SLC9A9: variants seen among roughly 807,000 people sequenced by gnomAD.
SLC9A9 encodes the protein sodium/hydrogen exchanger 9.
SLC9A9 carries 62 observed loss-of-function variants against 77.8 expected under a neutral mutation model. That is an observed-to-expected ratio of 0.80 (90% CI 0.65 to 0.98). The LOEUF is 0.98. SLC9A9 is among the 50% of genes least tolerant of loss of function. SLC9A9 has a pLI of 0.00. For missense variants in SLC9A9, 775 were observed against 774.9 expected, an observed-to-expected ratio of 1.00 and a Z score of 0.00; for synonymous variants, 320 against 283.5, an observed-to-expected ratio of 1.13 and a Z score of -1.29.
chr3:143,818,570 G>A (rs576430451), intron 2 of SLC9A9, among the ~76,000 whole-genome samples: 2 of 152,016 alleles, frequency 1.3e-5, no homozygotes, highest in Non-Finnish European at 2.9e-5. Context: ...GCCTCCCAAA[G>A]TGCTGGGATT....
At chr3:143,665,315 C>T (rs190622894) in intron 5 of SLC9A9, among the ~76,000 whole-genome samples, 42 of 152,308 alleles carry the variant, frequency 2.8e-4, no homozygotes, top group African/African-American at 1.0e-3. Flanking sequence ...ATACCAGAAT[C>T]TCTGGGACAC....
At chr3:143,289,827 G>A (rs1938488862) in intron 14 of SLC9A9, among the ~76,000 whole-genome samples, 1 of 152,180 alleles carries the variant, frequency 6.6e-6, no homozygotes, top group South Asian at 2.1e-4. Context: ...TTCATAGCCA[G>A]AGAGGTTCTT....
chr3:143,764,990 CCTTCCTTCCTTT>C (rs1452698844), intron 4 of SLC9A9, among the ~76,000 whole-genome samples: 86 of 149,142 alleles, frequency 5.8e-4, no homozygotes, highest in African/African-American at 1.4e-3. Context: ...TTCCTTCCTT[CCTTCCTTCCTTT>C]CTTTCTTTCT....
intron 5 of SLC9A9, among the ~76,000 whole-genome samples, chr3:143,689,052 A>C (rs1289888724): frequency 6.6e-6 from 1 of 152,114 alleles, no homozygotes; most frequent in Non-Finnish European, 1.5e-5. Context: ...GCCATGCTAT[A>C]GGGATATATA....
At chr3:143,672,260 A>G (rs2039168069) in intron 5 of SLC9A9, among the ~76,000 whole-genome samples, 1 of 152,140 alleles carries the variant, frequency 6.6e-6, no homozygotes, top group African/African-American at 2.4e-5. Flanking sequence ...TGATAACACC[A>G]GTGATGAGAA....
At chr3:143,296,751 T>C (rs929818366) in intron 14 of SLC9A9, among the ~76,000 whole-genome samples, 1 of 152,234 alleles carries the variant, frequency 6.6e-6, no homozygotes, top group Admixed American at 6.5e-5. Flanking sequence ...TGATATCTTA[T>C]TGTGGTTTTG....
At chr3:143,274,912 G>A (rs537270233) in intron 14 of SLC9A9, among the ~76,000 whole-genome samples, 36 of 152,108 alleles carry the variant, frequency 2.4e-4, no homozygotes, top group Non-Finnish European at 3.7e-4. Flanking sequence ...ATATTGTCTG[G>A]ACATATAGCC....
At chr3:143,630,288 A>T (rs986385387) in intron 6 of SLC9A9, among the ~76,000 whole-genome samples, 2 of 152,210 alleles carry the variant, frequency 1.3e-5, no homozygotes, top group Non-Finnish European at 2.9e-5. Context: ...GGCAAAACCC[A>T]GAGAAGCAAC....
chr3:143,325,230 C>G (rs956684702), intron 14 of SLC9A9, among the ~76,000 whole-genome samples: 3 of 152,154 alleles, frequency 2.0e-5, no homozygotes, highest in African/African-American at 7.2e-5. Flanking sequence ...TTATCCACAC[C>G]TGTAAAATAC....
At chr3:143,269,958 A>G (rs146884407) in intron 14 of SLC9A9, among the ~76,000 whole-genome samples, 4 of 152,346 alleles carry the variant, frequency 2.6e-5, no homozygotes, top group Admixed American at 2.6e-4. Context: ...CATTCTCATG[A>G]TACCCTGAGC....
At chr3:143,841,168 A>C (rs1394315441) in intron 1 of SLC9A9, among the ~76,000 whole-genome samples, 1 of 152,062 alleles carries the variant, frequency 6.6e-6, no homozygotes, top group Admixed American at 6.6e-5. Context: ...CCTTATCTGT[A>C]ATATGAAAAT....
chr3:143,621,974 G>C (rs898301303), intron 6 of SLC9A9, among the ~76,000 whole-genome samples: 7 of 152,200 alleles, frequency 4.6e-5, no homozygotes, highest in African/African-American at 1.7e-4. Context: ...AAATGAACAA[G>C]CCTCAGTAGC....
At chr3:143,647,805 T>G (rs1017650266) in intron 6 of SLC9A9, among the ~76,000 whole-genome samples, 35 of 152,202 alleles carry the variant, frequency 2.3e-4, no homozygotes, top group Non-Finnish European at 4.6e-4. Flanking sequence ...GTGAGCACCT[T>G]TATAACTTTA....
At chr3:143,634,041 A>G (rs568522990) in intron 6 of SLC9A9, among the ~76,000 whole-genome samples, 1 of 152,252 alleles carries the variant, frequency 6.6e-6, no homozygotes, top group Non-Finnish European at 1.5e-5. Context: ...CTGCCTTTCC[A>G]TCTTCTGAAA....
intron 11 of SLC9A9, 40 bp from the exon 12 acceptor site, chr3:143,467,230 G>T (rs767253058): frequency 6.2e-7 from 1 of 1,613,256 alleles, no homozygotes; most frequent in East Asian, 2.2e-5. Flanking sequence ...ATGCCTTGCA[G>T]GTGTCTTTTT....
intron 14 of SLC9A9, among the ~76,000 whole-genome samples, chr3:143,271,373 T>C (rs116386804): frequency 0.043 from 6,529 of 152,314 alleles, 144 homozygotes; most frequent in Non-Finnish European, 0.051. Flanking sequence ...ACTGACCATA[T>C]GGCCTAGTTA....
In SLC9A9 at chr3:143,405,699, C is replaced by T. The variant is rs930716609; in HGVS notation, c.1470-23585G>A. ...GGGATGGGAAACACTAGTGGTCTGC[C>T]TCTCCCAGGGTGAAACCAGAGCTCT... On this transcript the variant is annotated intron_variant, in intron 12 of 15. Coordinates refer to ENST00000316549, the MANE Select transcript of SLC9A9 (RefSeq NM_173653.4). 2.0e-5 allele frequency among the ~76,000 whole-genome samples: 3 copies of T among 152,190 alleles called. 1 individual carries two copies. The highest frequency in any genetic ancestry group is 1.3e-4 in the Admixed American group (2 of 15,286).
chr3:143,292,077 G>A (rs1226394042), intron 14 of SLC9A9, among the ~76,000 whole-genome samples: 2 of 152,202 alleles, frequency 1.3e-5, no homozygotes, highest in African/African-American at 2.4e-5. Context: ...TGGATGAGTG[G>A]CCATGAGCCA....
At chr3:143,766,552 G>C (rs1576711989) in intron 4 of SLC9A9, among the ~76,000 whole-genome samples, 1 of 151,988 alleles carries the variant, frequency 6.6e-6, no homozygotes, top group Non-Finnish European at 1.5e-5. Flanking sequence ...CTTAGCTGTA[G>C]GTGGAGGGTA....
Sources: gnomAD v4.1 joint callset for allele counts (sites outside exome capture counted in the v4.1 genomes callset) on GRCh38, gnomAD v4.1.1 for gene constraint, MANE v1.5 for transcripts, NCBI Gene and HGNC (gene_info 2026-07-23, HGNC 2026-07-21) for gene names.